Variants in CMSS1 observed in about 807,000 individuals in gnomAD.
The protein encoded by CMSS1 is protein CMSS1.
CMSS1 carries 33 observed loss-of-function variants against 43.5 expected under a neutral mutation model. The ratio of observed to expected loss-of-function variants is 0.76; its 90% CI spans 0.57 to 1.01. The LOEUF (loss-of-function observed/expected upper bound fraction) is 1.01, where lower values mean the gene tolerates loss of function less well. CMSS1 is among the 50% of genes least tolerant of loss of function. The probability of loss-of-function intolerance (pLI) is 0.00; values close to 1 mark genes in which losing one functional copy is unlikely to be tolerated. For synonymous variants in CMSS1, 115 were observed against 117.2 expected, an observed-to-expected ratio of 0.98 and a Z score of 0.12; for missense variants, 313 against 326.4, an observed-to-expected ratio of 0.96 and a Z score of 0.32.
rs145772079 is a variant in CMSS1 at position 100,075,908 on chromosome 3, G to C, written c.65-71065G>C. The stretch of plus-strand genomic sequence containing the variant: ...TCTGGGGTATTAGGATTCGATTCAG[G>C]AGAGCTGAGTTGGAGCCTAGAAATC... On this transcript the variant is annotated intron_variant, in intron 1 of 9. Coordinates refer to ENST00000421999, the MANE Select transcript of CMSS1 (RefSeq NM_032359.4). 7.3e-3 allele frequency among the ~76,000 whole-genome samples: 1,113 copies of C among 152,262 alleles called. 19 individuals carry two copies. Among genetic ancestry groups the C allele is most frequent in the African/African-American group, 0.025 (1,027 of 41,542 alleles).
chr3:99,989,853 A>G (rs570529977), intron 1 of CMSS1, among the ~76,000 whole-genome samples: 40 of 152,234 alleles, frequency 2.6e-4, no homozygotes, highest in African/African-American at 9.1e-4. Flanking sequence ...ATAAAATCTC[A>G]TTACTGTATG....
At position 99,875,361 on chromosome 3, in the gene CMSS1, T is replaced by G. The variant is rs183688126; in HGVS notation, c.64+57318T>G. 3.8e-3 allele frequency among the ~76,000 whole-genome samples: 577 copies of G among 152,298 alleles called. 3 individuals are homozygous for G. Among genetic ancestry groups the G allele is most frequent in the African/African-American group, 0.013 (549 of 41,560 alleles). ...TAAGTTTTACCTTTTAAATTGGCAT[T>G]TTTTACATAATATACTACTATCCAA... On this transcript the variant is annotated intron_variant, in intron 1 of 9. Transcript: ENST00000421999.
At position 99,876,252 on chromosome 3, in the gene CMSS1, C is replaced by A. The variant is rs568631754; in HGVS notation, c.64+58209C>A. The A allele has an allele frequency of 3.4e-4, 334 of 984,050 alleles. No individual in the cohort carries two copies. In the African/African-American group the frequency reaches 5.5e-3, roughly 16 times the overall value. The allele number at this position is 984,050 out of a possible 1,614,324, so 61.0% of individuals were successfully genotyped here. ...TATAAGGCGCTCCGCGTGTGCGGCG[C>A]TGTCGGCGGGGGCGCCGGTGACCGC... On this transcript the variant is annotated intron_variant, in intron 1 of 9. Coordinates refer to ENST00000421999, the MANE Select transcript of CMSS1 (RefSeq NM_032359.4).
Position 99,845,108 on chromosome 3 carries a change from T to C in CMSS1, c.64+27065T>C, listed in dbSNP as rs533018894. ...GTGGAGACCTTACAAAGAGTGTATG[T>C]AATTTTATCATGATCTTGATTGAAC... is the stretch of plus-strand genomic sequence containing the variant. On this transcript the variant is annotated intron_variant, in intron 1 of 9. Transcript: ENST00000421999. Among the ~76,000 whole-genome samples, 15 of 152,296 alleles carry C rather than the reference T, an allele frequency of 9.8e-5. No individual in the cohort carries two copies. The South Asian group carries it at 2.7e-3, about 27-fold the overall frequency.
intron 1 of CMSS1, among the ~76,000 whole-genome samples, chr3:99,939,707 T>G (rs545516630): frequency 2.0e-5 from 3 of 152,338 alleles, no homozygotes; most frequent in African/African-American, 7.2e-5. Flanking sequence ...TTCTTCCAGT[T>G]TAGCTTATCA....
intron 1 of CMSS1, among the ~76,000 whole-genome samples, chr3:100,076,807 G>C (rs9841186): frequency 0.18 from 27,660 of 152,172 alleles, 2,906 homozygotes; most frequent in South Asian, 0.25. Context: ...TGTTTAATAA[G>C]ATCTTTTGTG....
chr3:100,052,138 A>G (rs1199990081), intron 1 of CMSS1, among the ~76,000 whole-genome samples: 1 of 152,158 alleles, frequency 6.6e-6, no homozygotes, highest in Admixed American at 6.5e-5. Flanking sequence ...CAGTTCCTTT[A>G]GAACTGACTA....
At chr3:99,975,761 A>G (rs1354626978) in intron 1 of CMSS1, among the ~76,000 whole-genome samples, 1 of 152,220 alleles carries the variant, frequency 6.6e-6, no homozygotes, top group Admixed American at 6.5e-5. Flanking sequence ...TCATTCTAAT[A>G]GTGACATTCT....
chr3:99,979,936 T>A (rs1002166871), intron 1 of CMSS1, among the ~76,000 whole-genome samples: 2 of 152,156 alleles, frequency 1.3e-5, no homozygotes, highest in African/African-American at 4.8e-5. Context: ...AGAACTAATT[T>A]GTGGTTAAGG....
chr3:100,137,105 C>T (rs1326705376), intron 1 of CMSS1, among the ~76,000 whole-genome samples: 2 of 152,214 alleles, frequency 1.3e-5, no homozygotes, highest in South Asian at 2.1e-4. Flanking sequence ...GTGGGAGTCT[C>T]TTAATGGGCT....
At chr3:99,978,393 T>C (rs1709028050) in intron 1 of CMSS1, among the ~76,000 whole-genome samples, 1 of 152,146 alleles carries the variant, frequency 6.6e-6, no homozygotes, top group Non-Finnish European at 1.5e-5. Context: ...TAAGTGTTCA[T>C]CAATAGATGA....
At chr3:100,147,292 A>T (rs2066861887) in intron 2 of CMSS1, among the ~76,000 whole-genome samples, 1 of 110,552 alleles carries the variant, frequency 9.0e-6, no homozygotes. Context: ...TTTTTTTGAG[A>T]CAGGATCTTG....
chr3:100,060,179 GA>G (rs2065537387), intron 1 of CMSS1, among the ~76,000 whole-genome samples: 1 of 152,112 alleles, frequency 6.6e-6, no homozygotes, highest in Non-Finnish European at 1.5e-5. Flanking sequence ...AAGAGGTTGA[GA>G]TTTACTTTCT....
chr3:99,918,783 A>G (rs1707034288), intron 1 of CMSS1, among the ~76,000 whole-genome samples: 1 of 152,188 alleles, frequency 6.6e-6, no homozygotes. Context: ...TCATGTCATA[A>G]TTCTGTATAG....
intron 1 of CMSS1, among the ~76,000 whole-genome samples, chr3:99,883,710 C>T (rs989894929): frequency 4.6e-5 from 7 of 152,122 alleles, no homozygotes; most frequent in African/African-American, 1.7e-4. Context: ...TGTATGACTT[C>T]ATTGTTATAA....
intron 1 of CMSS1, among the ~76,000 whole-genome samples, chr3:100,042,535 A>C (rs2065222077): frequency 6.6e-6 from 1 of 152,186 alleles, no homozygotes. Context: ...TTTATTACCA[A>C]GTGTATTTTA....
chr3:100,157,413 T>A (rs1410635699), intron 2 of CMSS1, among the ~76,000 whole-genome samples: 2 of 152,204 alleles, frequency 1.3e-5, no homozygotes, highest in Non-Finnish European at 2.9e-5. Context: ...TTGGAGACTT[T>A]CCTTAGATGT....
chr3:99,825,686 A>G (rs1219446151), intron 1 of CMSS1, among the ~76,000 whole-genome samples: 1 of 151,786 alleles, frequency 6.6e-6, no homozygotes, highest in Non-Finnish European at 1.5e-5. Context: ...TAAATGTGGA[A>G]GGCCTATACA....
intron 1 of CMSS1, among the ~76,000 whole-genome samples, chr3:100,036,365 CA>C (rs2065108303): frequency 1.3e-5 from 2 of 152,048 alleles, no homozygotes; most frequent in South Asian, 4.2e-4. Flanking sequence ...TAGGAAGTCT[CA>C]AAAAATGATG....
Sources: gnomAD v4.1 joint callset for allele counts (sites outside exome capture counted in the v4.1 genomes callset) on GRCh38, gnomAD v4.1.1 for gene constraint, MANE v1.5 for transcripts, NCBI Gene and HGNC (gene_info 2026-07-23, HGNC 2026-07-21) for gene names.